THSD4: variants seen among roughly 807,000 people sequenced by gnomAD.
THSD4 encodes thrombospondin type-1 domain-containing protein 4.
THSD4 carries 69 observed loss-of-function variants against 119.0 expected under a neutral mutation model. The ratio of observed to expected loss-of-function variants is 0.58; its 90% CI spans 0.48 to 0.71. The LOEUF (loss-of-function observed/expected upper bound fraction) is 0.71, where lower values mean the gene tolerates loss of function less well. Among genes scored for constraint, THSD4 ranks in the 30% least tolerant of loss-of-function variants. The probability of loss-of-function intolerance (pLI) is 0.00; values close to 1 mark genes in which losing one functional copy is unlikely to be tolerated. For synonymous variants in THSD4, 524 were observed against 540.4 expected (o/e 0.97, Z 0.42); for missense variants, 1,393 against 1,391.1 (o/e 1.00, Z -0.02).
At chr15:71,538,371 G>T (rs1248789582) in intron 7 of THSD4, among the ~76,000 whole-genome samples, 1 of 152,162 alleles carries the variant, frequency 6.6e-6, no homozygotes, top group African/African-American at 2.4e-5. Flanking sequence ...ATGATTTGAA[G>T]TGACTCATTG....
chr15:71,485,426 A>G (rs2047800213), intron 7 of THSD4, among the ~76,000 whole-genome samples: 1 of 152,226 alleles, frequency 6.6e-6, no homozygotes, highest in Non-Finnish European at 1.5e-5. Context: ...ACAGTTCACC[A>G]TCATTGACTA....
intron 1 of THSD4, among the ~76,000 whole-genome samples, chr15:71,128,890 A>T (rs907787876): frequency 6.6e-6 from 1 of 152,210 alleles, no homozygotes; most frequent in Non-Finnish European, 1.5e-5. Context: ...CTGGAAGTAC[A>T]CCCATCTGAT....
intron 2 of THSD4, among the ~76,000 whole-genome samples, chr15:71,152,466 A>G (rs748665977): frequency 2.0e-5 from 3 of 151,970 alleles, no homozygotes; most frequent in Non-Finnish European, 4.4e-5. Context: ...GTCTAGTCAG[A>G]TGTAAACATT....
At chr15:71,337,310 G>A (rs137936331) in intron 6 of THSD4, among the ~76,000 whole-genome samples, 29 of 152,324 alleles carry the variant, frequency 1.9e-4, no homozygotes, top group African/African-American at 5.1e-4. Flanking sequence ...CAGGGGGACC[G>A]AGGGTAGAGC....
chr15:71,400,791 G>C (rs1396813534), intron 6 of THSD4, among the ~76,000 whole-genome samples: 1 of 151,548 alleles, frequency 6.6e-6, no homozygotes, highest in Non-Finnish European at 1.5e-5. Context: ...TGTTTACTAG[G>C]CTGCAATTCT....
chr15:71,361,865 G>A (rs552069690), intron 6 of THSD4, among the ~76,000 whole-genome samples: 1 of 152,300 alleles, frequency 6.6e-6, no homozygotes, highest in Non-Finnish European at 1.5e-5. Flanking sequence ...CCAAAATAAA[G>A]TGTTGAGTGA....
intron 7 of THSD4, among the ~76,000 whole-genome samples, chr15:71,438,358 A>AT (rs2047044388): frequency 6.6e-6 from 1 of 151,680 alleles, no homozygotes; most frequent in Non-Finnish European, 1.5e-5. Flanking sequence ...GAAGTTTCAC[A>AT]TTTTTTAAAT....
chr15:71,357,966 T>A (rs995506714), intron 6 of THSD4, among the ~76,000 whole-genome samples: 9 of 152,230 alleles, frequency 5.9e-5, no homozygotes, highest in Non-Finnish European at 1.0e-4. Flanking sequence ...GGTGAGGTTC[T>A]GAGGTGGCTT....
At chr15:71,706,023 T>A (rs145282784) in intron 8 of THSD4, among the ~76,000 whole-genome samples, 3 of 152,062 alleles carry the variant, frequency 2.0e-5, no homozygotes, top group Non-Finnish European at 2.9e-5. Flanking sequence ...ATCTAGAGAA[T>A]CATAAAGCCT....
intron 7 of THSD4, among the ~76,000 whole-genome samples, chr15:71,509,563 G>GA (rs2048247229): frequency 6.6e-6 from 1 of 152,208 alleles, no homozygotes; most frequent in Non-Finnish European, 1.5e-5. Flanking sequence ...TCGACTTCAA[G>GA]AAGCAAAGCA....
chr15:71,608,074 T>C (rs1429126793), intron 7 of THSD4, among the ~76,000 whole-genome samples: 1 of 151,684 alleles, frequency 6.6e-6, no homozygotes, highest in East Asian at 1.9e-4. Context: ...ATACAAAAAA[T>C]TAGCGGGGCG....
intron 6 of THSD4, among the ~76,000 whole-genome samples, chr15:71,401,286 G>A (rs1411001681): frequency 1.3e-5 from 2 of 152,152 alleles, no homozygotes; most frequent in Non-Finnish European, 2.9e-5. Flanking sequence ...TGTTGATTTT[G>A]AATAGAGATG....
intron 3 of THSD4, among the ~76,000 whole-genome samples, chr15:71,184,984 C>T (rs1367087349): frequency 1.3e-5 from 2 of 151,696 alleles, no homozygotes; most frequent in African/African-American, 2.4e-5. Flanking sequence ...TTAGGCTGAC[C>T]TTGAGCTTCT....
chr15:71,410,142 G>A (rs900940843), intron 6 of THSD4, among the ~76,000 whole-genome samples: 3 of 152,136 alleles, frequency 2.0e-5, no homozygotes, highest in Non-Finnish European at 4.4e-5. Flanking sequence ...GAGGAGGGGA[G>A]AGAAAGACAA....
intron 1 of THSD4, among the ~76,000 whole-genome samples, chr15:71,108,577 G>C (rs1303273828): frequency 6.6e-6 from 1 of 152,144 alleles, no homozygotes; most frequent in African/African-American, 2.4e-5. Context: ...AATGGGGAGG[G>C]GGCTCACTGG....
At chr15:71,481,127 C>T (rs1418418603) in intron 7 of THSD4, among the ~76,000 whole-genome samples, 1 of 151,974 alleles carries the variant, frequency 6.6e-6, no homozygotes, top group African/African-American at 2.4e-5. Context: ...CAAATAAAAA[C>T]CTGCATTTGA....
chr15:71,316,323 T>C (rs77146842), intron 6 of THSD4, among the ~76,000 whole-genome samples: 2,097 of 152,144 alleles, frequency 0.014, 52 homozygotes, highest in African/African-American at 0.046. Context: ...TCAAAACAGG[T>C]AGACATTGAC....
chr15:71,411,953 C>G (rs2046696146), intron 7 of THSD4, 130 bp downstream of exon 7: 2 of 1,251,870 alleles, frequency 1.6e-6, no homozygotes, highest in Admixed American at 2.4e-5. Context: ...ACCATGCGCT[C>G]TGGGAGGAGT....
rs1448681867 is a variant in THSD4, at chr15:71,724,285, A to ATTTTT, written c.1358-4263_1358-4262insTTTTT. Among the ~76,000 whole-genome samples the ATTTTT allele has an allele frequency of 3.0e-4, 6 of 20,336 alleles. No individual in the cohort carries two copies. In the East Asian group the frequency reaches 8.2e-3, roughly 28 times the overall value. 13.3% of individuals were successfully genotyped at this position (20,336 alleles called of 152,430 possible). A position where few individuals can be genotyped will look rare whatever the true frequency, so the allele number is the denominator to read the frequency against. ...TGATGGGATATATATATATATATAT[A>ATTTTT]TATTTTTTTTTTCCCCCCAAGATGG... On this transcript the variant is annotated intron_variant, in intron 8 of 17. Coordinates refer to ENST00000261862, the MANE Select transcript of THSD4 (RefSeq NM_024817.3).
Sources: gnomAD v4.1 joint callset for allele counts (sites outside exome capture counted in the v4.1 genomes callset) on GRCh38, gnomAD v4.1.1 for gene constraint, MANE v1.5 for transcripts, NCBI Gene and HGNC (gene_info 2026-07-23, HGNC 2026-07-21) for gene names.